Variants in CAPN5 observed in about 807,000 individuals in gnomAD.
The protein encoded by CAPN5 is calpain-5.
In CAPN5, 54 loss-of-function variants were observed where a neutral mutation model predicts 73.0. That is an observed-to-expected ratio of 0.74 (90% CI 0.59 to 0.93). The LOEUF is 0.93. Ranked by LOEUF, CAPN5 falls within the 40% of genes least tolerant of loss-of-function variation. The pLI, the probability that CAPN5 is intolerant of heterozygous loss-of-function variation, is 0.00. For missense variants in CAPN5, 785 were observed against 882.9 expected, an observed-to-expected ratio of 0.89 and a Z score of 1.41; for synonymous variants, 335 against 356.9, an observed-to-expected ratio of 0.94 and a Z score of 0.69.
rs973363515 is a variant in CAPN5, at chr11:77,116,104, A to G, written c.894-122A>G. The G allele has an allele frequency of 1.2e-5, 10 of 854,884 alleles. No homozygotes were observed. The Admixed American group carries it at 2.1e-4, about 18-fold the overall frequency. The allele number at this position is 854,884 out of a possible 1,614,324, so 53.0% of individuals were successfully genotyped here. On this transcript the variant is annotated intron_variant, in intron 6 of 12. Transcript: ENST00000648180. Reference sequence around the variant, plus strand: ...GCATGGCCTCAGTGCCCCTGGCCACACCGTGCCGCTGGAGGCCTGGTGCAA... The same window carrying G: ...GCATGGCCTCAGTGCCCCTGGCCACGCCGTGCCGCTGGAGGCCTGGTGCAA...
rs782250691 is a variant in CAPN5, at chr11:77,114,235, T to C, written c.507-7T>C. 6.2e-7 allele frequency: 1 copy of C among 1,613,316 alleles called. No individual in the cohort carries two copies. The highest frequency in any genetic ancestry group is 8.5e-7 in the Non-Finnish European group (1 of 1,179,426). The stretch of plus-strand genomic sequence containing the variant: ...GAGCTGGGAAGTCTTTCCACATTGC[T>C]TCCCAGACTGGCAGGCTGTTACCAG... On this transcript the variant is annotated splice_region_variant and splice_polypyrimidine_tract_variant and intron_variant, in intron 4 of 12. Coordinates refer to ENST00000648180, the MANE Select transcript of CAPN5 (RefSeq NM_004055.5).
At chr11:77,089,939 C>G (rs1287812953) in intron 2 of CAPN5, among the ~76,000 whole-genome samples, 1 of 152,210 alleles carries the variant, frequency 6.6e-6, no homozygotes, top group Non-Finnish European at 1.5e-5. Context: ...TGCAGCCAGA[C>G]TGCCTGAATT....
Position 77,093,586 on chromosome 11 carries a change from CTGTGTCTGTCA to C in CAPN5, c.166-95_166-85del, listed in dbSNP as rs782756220. On this transcript the variant is annotated intron_variant, in intron 2 of 12. Coordinates refer to ENST00000648180, the MANE Select transcript of CAPN5 (RefSeq NM_004055.5). ...CCATGCTGATGATCACACAGCAAGT[CTGTGTCTGTCA>C]CGTCTGTGTCTGTCATGTCTCCTGC... 5,865 of 778,324 alleles carry C rather than the reference CTGTGTCTGTCA, an allele frequency of 7.5e-3. 13 individuals carry two copies. The highest frequency in any genetic ancestry group is 9.1e-3 in the Non-Finnish European group (5,139 of 563,336). The allele number at this position is 778,324 out of a possible 1,614,324, so 48.2% of individuals were successfully genotyped here.
At chr11:77,077,178 G>A (rs368127152) in intron 1 of CAPN5, among the ~76,000 whole-genome samples, 33 of 152,156 alleles carry the variant, frequency 2.2e-4, no homozygotes, top group Non-Finnish European at 3.1e-4. Context: ...CCAACATGGC[G>A]AAACCCCGTC....
Position 77,090,614 on chromosome 11 carries a change from C to T in CAPN5, c.166-3068C>T, listed in dbSNP as rs114423532. On this transcript the variant is annotated intron_variant, in intron 2 of 12. Coordinates refer to ENST00000648180, the MANE Select transcript of CAPN5 (RefSeq NM_004055.5). ...TGGGATGGGGCAGTTGTGTGTCTGT[C>T]TTAGGACACTGGCTGGGAGGATCTG... 6.1e-3 allele frequency among the ~76,000 whole-genome samples: 926 copies of T among 152,340 alleles called. 6 individuals carry two copies. The highest frequency in any genetic ancestry group is 0.019 in the African/African-American group (810 of 41,574).
intron 3 of CAPN5, among the ~76,000 whole-genome samples, chr11:77,108,462 A>T (rs782792223): frequency 4.6e-5 from 7 of 152,164 alleles, no homozygotes; most frequent in Non-Finnish European, 7.4e-5. Context: ...GTTGTGGTAG[A>T]TGGGACCCGA....
At chr11:77,101,202 G>T (rs1950280167) in intron 3 of CAPN5, among the ~76,000 whole-genome samples, 1 of 152,184 alleles carries the variant, frequency 6.6e-6, no homozygotes, top group African/African-American at 2.4e-5. Flanking sequence ...TGTGTGGCAG[G>T]CCCCGTTCTG....
In CAPN5 at chr11:77,122,644, T is replaced by A; in HGVS notation, c.1672T>A (p.Ser558Thr). 6.2e-7 allele frequency: 1 copy of A among 1,600,462 alleles called. No homozygotes were observed. The highest frequency in any genetic ancestry group is 2.3e-5 in the East Asian group (1 of 44,000). Reference sequence around the variant, plus strand: ...CCGCTCGGCTGTGCAGAAGGGCACCTCCACACCAGAGTACAATGTGAAAGG... The same window carrying A: ...CCGCTCGGCTGTGCAGAAGGGCACCACCACACCAGAGTACAATGTGAAAGG... ...KVRSAVQKGT[S>T]TPEYNVKGIF... The change falls in exon 12 of 13, where the codon TCC (serine) becomes ACC (threonine). Residue 558 changes from serine to threonine, a missense_variant. Coordinates refer to ENST00000648180, the MANE Select transcript of CAPN5 (RefSeq NM_004055.5).
At chr11:77,094,051 G>A (rs1437213410) in intron 3 of CAPN5, among the ~76,000 whole-genome samples, 1 of 152,230 alleles carries the variant, frequency 6.6e-6, no homozygotes, top group Non-Finnish European at 1.5e-5. Flanking sequence ...TCATTCTGAT[G>A]TGTCCCCCCC....
At position 77,124,111 on chromosome 11, in the gene CAPN5, C is replaced by T. The variant is rs1396801072; in HGVS notation, c.*241C>T. 8 of 553,120 alleles carry T rather than the reference C, an allele frequency of 1.4e-5. No individual in the cohort carries two copies. Among genetic ancestry groups the T allele is most frequent in the East Asian group, 1.2e-4 (4 of 33,216 alleles). The allele number at this position is 553,120 out of a possible 1,614,324, so 34.3% of individuals were successfully genotyped here. ...TTTCAAATAGTCCTCCCCACCTCAA[C>T]TGTCACCACTGCTAAGGGACTCTAT... is the stretch of plus-strand genomic sequence containing the variant. On this transcript the variant is annotated 3_prime_UTR_variant, in exon 13 of 13. Coordinates refer to ENST00000648180, the MANE Select transcript of CAPN5 (RefSeq NM_004055.5).
chr11:77,079,219 G>T (rs1950004076), intron 1 of CAPN5, among the ~76,000 whole-genome samples: 1 of 151,952 alleles, frequency 6.6e-6, no homozygotes, highest in Admixed American at 6.6e-5. Flanking sequence ...CTCTTGAGTA[G>T]CTGGGACTAC....
chr11:77,114,208 A>G (rs782558968), intron 4 of CAPN5, 34 bp from the exon 5 acceptor site: 2 of 1,601,084 alleles, frequency 1.2e-6, no homozygotes, highest in East Asian at 2.2e-5. Flanking sequence ...GCTGGGGAGC[A>G]TGAGCTGGGA....
Position 77,117,799 on chromosome 11 carries a change from C to T in CAPN5, c.972-358C>T, listed in dbSNP as rs191290520. Among the ~76,000 whole-genome samples, 445 of 152,322 alleles carry T rather than the reference C, an allele frequency of 2.9e-3. 6 individuals carry two copies. The highest frequency in any genetic ancestry group is 0.01 in the African/African-American group (435 of 41,570). ...TTTATAAACTGTACAGGGCAGCAGA[C>T]AGTAGTTATTAACACCATTCACAAT... On this transcript the variant is annotated intron_variant, in intron 7 of 12. Transcript: ENST00000648180.
intron 1 of CAPN5, among the ~76,000 whole-genome samples, chr11:77,079,477 C>T (rs1401265167): frequency 1.1e-4 from 16 of 151,976 alleles, no homozygotes; most frequent in African/African-American, 2.2e-4. Context: ...TGTTCATTTT[C>T]GTTATTGTTT....
Position 77,123,739 on chromosome 11 carries a change from A to G in CAPN5, c.1792A>G (p.Lys598Glu). ...KDEFLGQVHLKADPDNLQALH... is the reference protein window; with the variant it reads ...KDEFLGQVHLEADPDNLQALH... ...TGAATTTCTGGGCCAGGTGCACCTA[A>G]AGGCTGACCCGGACAACCTCCAGGC... Residue 598 changes from lysine to glutamate, a missense_variant, in exon 13 of 13, where the codon AAG becomes GAG. Lys to Glu is a moderately conservative substitution (Grantham distance 56, BLOSUM62 1). Transcript: ENST00000648180. 6.2e-7 allele frequency: 1 copy of G among 1,613,622 alleles called. No homozygotes were observed. The highest frequency in any genetic ancestry group is 8.5e-7 in the Non-Finnish European group (1 of 1,179,902).
At chr11:77,087,211 C>G (rs971054197) in intron 2 of CAPN5, among the ~76,000 whole-genome samples, 1 of 152,242 alleles carries the variant, frequency 6.6e-6, no homozygotes, top group South Asian at 2.1e-4. Context: ...CACAAGCCTG[C>G]AGGACAGGCA....
intron 4 of CAPN5, among the ~76,000 whole-genome samples, chr11:77,113,238 C>T (rs1460493163): frequency 6.6e-6 from 1 of 152,242 alleles, no homozygotes; most frequent in African/African-American, 2.4e-5. Flanking sequence ...TGTCCACCAT[C>T]CGCCTCTGCC....
Position 77,123,696 on chromosome 11 carries a change from C to T in CAPN5, c.1749C>T (p.Asn583=). 1 of 1,613,404 alleles carries T rather than the reference C, an allele frequency of 6.2e-7. No individual in the cohort carries two copies. The highest frequency in any genetic ancestry group is 8.5e-7 in the Non-Finnish European group (1 of 1,179,648). ...LSQPITVQVW[N]HRVLKDEFLG... is the part of the protein sequence containing the mutation. The stretch of plus-strand genomic sequence containing the variant: ...CCTCTGTCTCTTCCCAGGTCTGGAA[C>T]CACCGAGTGCTGAAGGATGAATTTC... The change falls in exon 13 of 13, where the codon AAC becomes AAT. Residue 583 remains asparagine, a synonymous_variant. Coordinates refer to ENST00000648180, the MANE Select transcript of CAPN5 (RefSeq NM_004055.5).
intron 10 of CAPN5, among the ~76,000 whole-genome samples, chr11:77,121,556 C>A (rs553725249): frequency 2.0e-5 from 3 of 152,386 alleles, no homozygotes; most frequent in African/African-American, 7.2e-5. Context: ...AGCTTTCCAG[C>A]TGTTTGGGCA....
Sources: gnomAD v4.1 joint callset for allele counts (sites outside exome capture counted in the v4.1 genomes callset) on GRCh38, gnomAD v4.1.1 for gene constraint, MANE v1.5 for transcripts, NCBI Gene and HGNC (gene_info 2026-07-23, HGNC 2026-07-21) for gene names.